The following MALRD1 variants were observed in gnomAD, a reference collection of about 807,000 sequenced individuals.
MALRD1 encodes MAM and LDL-receptor class A domain-containing protein 1.
In MALRD1, 247 loss-of-function variants were observed where a neutral mutation model predicts 242.1. That is an observed-to-expected ratio of 1.02 (90% CI 0.92 to 1.13). MALRD1 has a LOEUF of 1.13. Ranked by LOEUF, MALRD1 falls within the 50% of genes most tolerant of loss-of-function variation. The pLI is 0.00. For missense variants in MALRD1, 2,989 were observed against 2,533.1 expected, an observed-to-expected ratio of 1.18 and a Z score of -3.86; for synonymous variants, 995 against 866.6, an observed-to-expected ratio of 1.15 and a Z score of -2.60.
intron 26 of MALRD1, among the ~76,000 whole-genome samples, chr10:19,354,706 C>T (rs1844544504): frequency 6.6e-6 from 1 of 151,938 alleles, no homozygotes; most frequent in African/African-American, 2.4e-5. Flanking sequence ...ATGTAATTAA[C>T]AATAATTTAC....
chr10:19,213,899 A>G (rs1480835589), intron 18 of MALRD1, among the ~76,000 whole-genome samples: 1 of 152,144 alleles, frequency 6.6e-6, no homozygotes, highest in Non-Finnish European at 1.5e-5. Flanking sequence ...TTTTAGAGCT[A>G]ATCACTCCCA....
At chr10:19,378,640 A>G (rs951717846) in intron 26 of MALRD1, among the ~76,000 whole-genome samples, 9 of 152,080 alleles carry the variant, frequency 5.9e-5, no homozygotes, top group Admixed American at 2.0e-4. Context: ...TATTTATATT[A>G]CTTGATATTC....
rs374350237 is a variant in MALRD1, at chr10:19,447,069, G to GACACACAC, written c.4846-3212_4846-3205dup. Among the ~76,000 whole-genome samples, 272 of 141,896 alleles carry GACACACAC rather than the reference G, an allele frequency of 1.9e-3. 1 individual carries two copies. Among genetic ancestry groups the GACACACAC allele is most frequent in the South Asian group, 8.1e-3 (36 of 4,438 alleles). 93.1% of individuals were successfully genotyped at this position (141,896 alleles called of 152,430 possible). A position where few individuals can be genotyped will look rare whatever the true frequency, so the allele number is the denominator to read the frequency against. Reference sequence around the variant, plus strand: ...ACACACACACACACACACATACACAGACACACACACACACACACACACACA... The same window carrying GACACACAC: ...ACACACACACACACACACATACACAGACACACACACACACACACACACACACACACACA... On this transcript the variant is annotated intron_variant, in intron 28 of 39. Transcript: ENST00000454679.
In MALRD1 at chr10:19,451,450, TATAA is replaced by T. The variant is rs1281115676; in HGVS notation, c.5029+964_5029+967del. Among the ~76,000 whole-genome samples the T allele has an allele frequency of 3.9e-5, 6 of 152,246 alleles. No individual in the cohort carries two copies. In the South Asian group the frequency reaches 1.0e-3, roughly 26 times the overall value. On this transcript the variant is annotated intron_variant, in intron 29 of 39. Transcript: ENST00000454679. ...CTACCCAGAAAATGTCAAAAATAAT[TATAA>T]ATACATTTGTACAATTTCACAGTTT...
intron 5 of MALRD1, among the ~76,000 whole-genome samples, chr10:19,122,292 T>C (rs2131376809): frequency 6.6e-6 from 1 of 152,196 alleles, no homozygotes; most frequent in Non-Finnish European, 1.5e-5. Flanking sequence ...ATAGGGCTGA[T>C]GGTTGGGGAG....
intron 2 of MALRD1, among the ~76,000 whole-genome samples, chr10:19,085,567 AT>A (rs964283934): frequency 6.6e-6 from 1 of 151,974 alleles, no homozygotes; most frequent in Non-Finnish European, 1.5e-5. Context: ...ACTTTCTACT[AT>A]AACCTGAAGA....
intron 36 of MALRD1, among the ~76,000 whole-genome samples, chr10:19,650,088 T>TA: frequency 6.6e-6 from 1 of 152,144 alleles, no homozygotes; most frequent in South Asian, 2.1e-4. Flanking sequence ...ATGGAAATTA[T>TA]AAAAAAAGAA....
chr10:19,240,511 A>T (rs2131743002), intron 18 of MALRD1, among the ~76,000 whole-genome samples: 1 of 152,190 alleles, frequency 6.6e-6, no homozygotes, highest in Admixed American at 6.5e-5. Context: ...ATTTTCTACA[A>T]ACAGAAACAA....
chr10:19,454,424 A>ATATATATATATATATATATATC (rs1835517156), intron 29 of MALRD1, among the ~76,000 whole-genome samples: 3 of 141,090 alleles, frequency 2.1e-5, no homozygotes, highest in African/African-American at 7.9e-5. Flanking sequence ...ATATATATAT[A>ATATATATATATATATATATATC]TATATATAAT....
intron 30 of MALRD1, among the ~76,000 whole-genome samples, chr10:19,496,465 A>T (rs928177134): frequency 3.9e-5 from 6 of 152,220 alleles, no homozygotes; most frequent in Non-Finnish European, 5.9e-5. Flanking sequence ...CTTTTGGGTA[A>T]ATAATGACAC....
intron 9 of MALRD1, among the ~76,000 whole-genome samples, chr10:19,136,289 T>G (rs532310311): frequency 6.6e-6 from 1 of 151,798 alleles, no homozygotes; most frequent in East Asian, 1.9e-4. Flanking sequence ...GTTTTTTGCC[T>G]GATCCTGGGA....
intron 12 of MALRD1, among the ~76,000 whole-genome samples, chr10:19,155,444 C>T (rs771997685): frequency 2.6e-5 from 4 of 152,180 alleles, no homozygotes; most frequent in East Asian, 1.9e-4. Flanking sequence ...GCTGTGGATA[C>T]GTGTTGCCAA....
chr10:19,627,245 G>T (rs928862099), intron 36 of MALRD1, among the ~76,000 whole-genome samples: 2 of 151,968 alleles, frequency 1.3e-5, no homozygotes, highest in Non-Finnish European at 2.9e-5. Context: ...AAATTTCTTT[G>T]GGAAAATAGC....
intron 33 of MALRD1, among the ~76,000 whole-genome samples, chr10:19,582,480 A>C (rs1465505245): frequency 7.1e-6 from 1 of 141,824 alleles, no homozygotes; most frequent in African/African-American, 2.5e-5. Context: ...TAACTAGGGA[A>C]TCCTTTCCCC....
rs529000033 is a variant in MALRD1, at chr10:19,142,171, C to CAAAAA, written c.1412-4005_1412-4001dup. 5.0e-3 allele frequency among the ~76,000 whole-genome samples: 132 copies of CAAAAA among 26,270 alleles called. 17 individuals are homozygous for CAAAAA. The highest frequency in any genetic ancestry group is 5.9e-3 in the Non-Finnish European group (89 of 15,166). 17.2% of individuals were successfully genotyped at this position (26,270 alleles called of 152,430 possible). On this transcript the variant is annotated intron_variant, in intron 10 of 39. Coordinates refer to ENST00000454679, the MANE Select transcript of MALRD1 (RefSeq NM_001142308.3). Reference sequence around the variant, plus strand: ...TGGGCGACAGAGCGAGACTCTAACTCAAAAAAAAAAAAAAAAAAAAAAAAA... The same window carrying CAAAAA: ...TGGGCGACAGAGCGAGACTCTAACTCAAAAAAAAAAAAAAAAAAAAAAAAAAAAAA...
chr10:19,242,507 A>G (rs188931483), intron 18 of MALRD1, among the ~76,000 whole-genome samples: 1 of 152,210 alleles, frequency 6.6e-6, no homozygotes, highest in Admixed American at 6.6e-5. Context: ...GTCCATTTTT[A>G]AAGTGGAGTG....
chr10:19,595,281 G>T lies in MALRD1; in HGVS notation c.5768G>T (p.Cys1923Phe). ...TLQCVPLSGK[C>F]DGHEDCIDGS... ...CAATGTGTCCCTCTCTCAGGGAAATGTGATGGACATGAAGACTGCATAGAT... is the reference window on the plus strand; with the variant it reads ...CAATGTGTCCCTCTCTCAGGGAAATTTGATGGACATGAAGACTGCATAGAT... Residue 1923 changes from cysteine (C) to phenylalanine (F), a missense_variant, in exon 34 of 40, where the codon TGT (cysteine) becomes TTT (phenylalanine). Cys to Phe is a radical substitution (Grantham distance 205). Transcript: ENST00000454679. 1 of 1,550,772 alleles carries T rather than the reference G, an allele frequency of 6.4e-7. No individual in the cohort carries two copies. The highest frequency in any genetic ancestry group is 2.4e-5 in the East Asian group (1 of 40,906).
Position 19,203,830 on chromosome 10 carries a change from A to T in MALRD1, c.2054A>T (p.Asp685Val). 6.4e-7 allele frequency: 1 copy of T among 1,550,536 alleles called. No homozygotes were observed. Among genetic ancestry groups the T allele is most frequent in the Non-Finnish European group, 8.7e-7 (1 of 1,146,940 alleles). ...AGCTCTCAGAGTGAACTTTCTGCTG[A>T]TTTTGAGCACCAGGCTCCACCTCGG... ...IRSSQSELSADFEHQAPPRDH... is the reference protein window; with the variant it reads ...IRSSQSELSAVFEHQAPPRDH... The change falls in exon 15 of 40, where the codon GAT (aspartate) becomes GTT (valine). Residue 685 changes from aspartate (D) to valine (V), a missense_variant. Asp to Val is a radical substitution (Grantham distance 152). Coordinates refer to ENST00000454679, the MANE Select transcript of MALRD1 (RefSeq NM_001142308.3).
chr10:19,605,525 T>C (rs1292661083), intron 34 of MALRD1, among the ~76,000 whole-genome samples: 2 of 150,370 alleles, frequency 1.3e-5, no homozygotes, highest in Admixed American at 1.3e-4. Context: ...GCTACTTCCT[T>C]ATCCAACCTC....
Sources: gnomAD v4.1 joint callset for allele counts (sites outside exome capture counted in the v4.1 genomes callset) on GRCh38, gnomAD v4.1.1 for gene constraint, MANE v1.5 for transcripts, NCBI Gene and HGNC (gene_info 2026-07-23, HGNC 2026-07-21) for gene names.